Variants in TNPO1 observed in about 807,000 individuals in gnomAD.
TNPO1 encodes transportin 1, also known as transportin-1.
Under a neutral mutation model 119.5 loss-of-function variants are expected in TNPO1, and 8 were observed. The ratio of observed to expected loss-of-function variants is 0.07; its 90% CI spans 0.04 to 0.12. The LOEUF is 0.12. Among genes scored for constraint, TNPO1 ranks in the 10% least tolerant of loss-of-function variants. The pLI, the probability that TNPO1 is intolerant of heterozygous loss-of-function variation, is 1.00. For missense variants in TNPO1, 576 were observed against 1,089.8 expected (o/e 0.53, Z 6.64); for synonymous variants, 362 against 363.0 (o/e 1.00, Z 0.03).
At chr5:72,894,940 T>C (rs1026170749) in intron 18 of TNPO1, among the ~76,000 whole-genome samples, 6 of 152,202 alleles carry the variant, frequency 3.9e-5, no homozygotes, top group Non-Finnish European at 7.3e-5. Context: ...TATAAAGTGT[T>C]TAAGACGTAC....
chr5:72,843,234 T>C (rs1273795381), intron 1 of TNPO1, among the ~76,000 whole-genome samples: 2 of 152,218 alleles, frequency 1.3e-5, no homozygotes, highest in Non-Finnish European at 2.9e-5. Context: ...GCCAAGAGCC[T>C]AACTCAATTT....
At chr5:72,882,966 G>T in intron 10 of TNPO1, 98 bp from the exon 11 acceptor site, 1 of 857,346 alleles carries the variant, frequency 1.2e-6, no homozygotes, top group South Asian at 1.6e-5. Context: ...AGAATTCTGT[G>T]CATGACCCCA....
At chr5:72,894,507 T>C (rs1347109384) in intron 18 of TNPO1, among the ~76,000 whole-genome samples, 2 of 152,094 alleles carry the variant, frequency 1.3e-5, no homozygotes, top group African/African-American at 4.8e-5. Flanking sequence ...CCGCTTCTAC[T>C]AAAAATACAA....
chr5:72,889,019 ATAG>A (rs952172633), intron 13 of TNPO1, among the ~76,000 whole-genome samples: 5 of 152,064 alleles, frequency 3.3e-5, no homozygotes, highest in Admixed American at 3.3e-4. Flanking sequence ...ATTGACCTTG[ATAG>A]TAGGAAAAAA....
At chr5:72,843,722 C>T (rs1745013039) in intron 1 of TNPO1, among the ~76,000 whole-genome samples, 1 of 152,104 alleles carries the variant, frequency 6.6e-6, no homozygotes, top group African/African-American at 2.4e-5. Flanking sequence ...CTAATAGCAA[C>T]ATTTCTCACA....
intron 1 of TNPO1, among the ~76,000 whole-genome samples, chr5:72,840,822 C>T (rs1472524226): frequency 6.6e-6 from 1 of 152,082 alleles, no homozygotes; most frequent in Non-Finnish European, 1.5e-5. Context: ...ACCTATTTTC[C>T]ATTTTCTGTG....
chr5:72,848,531 C>T (rs1356021085), intron 2 of TNPO1, 33 bp downstream of exon 2: 12 of 1,426,088 alleles, frequency 8.4e-6, no homozygotes, highest in Non-Finnish European at 1.1e-5. Flanking sequence ...GCCACCCGCG[C>T]AGCTCGCCCC....
At chr5:72,817,970 C>G (rs1186262035) in intron 1 of TNPO1, among the ~76,000 whole-genome samples, 1 of 152,204 alleles carries the variant, frequency 6.6e-6, no homozygotes, top group African/African-American at 2.4e-5. Flanking sequence ...CGTAGTTGTT[C>G]CTAGAGAAGG....
chr5:72,863,865 CATAAA>C (rs1281075347), intron 5 of TNPO1, among the ~76,000 whole-genome samples: 4 of 151,626 alleles, frequency 2.6e-5, no homozygotes, highest in Admixed American at 2.0e-4. Flanking sequence ...ATGGTAATAA[CATAAA>C]AGAAGATCAA....
chr5:72,855,450 A>G (rs934461135), intron 3 of TNPO1, among the ~76,000 whole-genome samples: 2 of 152,158 alleles, frequency 1.3e-5, no homozygotes, highest in Non-Finnish European at 2.9e-5. Flanking sequence ...ACCCCCAGAA[A>G]ACATTTGACA....
intron 7 of TNPO1, among the ~76,000 whole-genome samples, chr5:72,874,867 A>G (rs955098477): frequency 7.2e-5 from 11 of 152,184 alleles, no homozygotes; most frequent in African/African-American, 2.2e-4. Flanking sequence ...GTGTGACATG[A>G]GGAAGGCTTC....
intron 1 of TNPO1, among the ~76,000 whole-genome samples, chr5:72,832,801 TG>T (rs1370986223): frequency 2.6e-5 from 4 of 152,104 alleles, no homozygotes; most frequent in African/African-American, 9.7e-5. Context: ...TAGAAGTAGA[TG>T]GGGAATGAAT....
chr5:72,851,955 A>T (rs901830249), intron 3 of TNPO1, among the ~76,000 whole-genome samples: 1 of 152,224 alleles, frequency 6.6e-6, no homozygotes, highest in Non-Finnish European at 1.5e-5. Context: ...ATAACTGAAT[A>T]TGTGTGTTTT....
chr5:72,905,473 CAGGA>C, intron 24 of TNPO1, 28 bp downstream of exon 24: 1 of 1,207,142 alleles, frequency 8.3e-7, no homozygotes, highest in Non-Finnish European at 1.2e-6. Context: ...TGGAAATTTT[CAGGA>C]TGAAGAAAAT....
chr5:72,891,960 T>C, intron 15 of TNPO1, 64 bp downstream of exon 15: 3 of 1,238,546 alleles, frequency 2.4e-6, no homozygotes, highest in Admixed American at 2.0e-5. Context: ...AAAATGGGTA[T>C]ATATGATAAG....
At chr5:72,883,597 T>G (rs1265343307) in intron 11 of TNPO1, among the ~76,000 whole-genome samples, 3 of 152,274 alleles carry the variant, frequency 2.0e-5, no homozygotes, top group Non-Finnish European at 4.4e-5. Context: ...TCACTTGTAT[T>G]GTGAAATAAT....
At chr5:72,816,877 G>A in intron 1 of TNPO1, 125 bp downstream of exon 1, 2 of 1,222,560 alleles carry the variant, frequency 1.6e-6, no homozygotes, top group Non-Finnish European at 2.2e-6. Context: ...CGCCTGCCCG[G>A]CCGTTTGAAG....
intron 2 of TNPO1, among the ~76,000 whole-genome samples, chr5:72,849,287 G>A (rs188955653): frequency 2.0e-5 from 3 of 152,296 alleles, no homozygotes; most frequent in Admixed American, 2.0e-4. Context: ...TACCACGTAT[G>A]CTTTCTGTAG....
At chr5:72,884,750 TTC>T (rs1209724779) in intron 11 of TNPO1, among the ~76,000 whole-genome samples, 1 of 152,082 alleles carries the variant, frequency 6.6e-6, no homozygotes, top group Non-Finnish European at 1.5e-5. Context: ...GGCCACATAA[TTC>T]TTTTTTTTTT....
Sources: allele counts gnomAD v4.1 joint callset (sites outside exome capture counted in the v4.1 genomes callset), GRCh38; gene constraint gnomAD v4.1.1; transcripts MANE v1.5; gene names NCBI Gene and HGNC (gene_info 2026-07-23, HGNC 2026-07-21).